The following DENND4C variants were observed in gnomAD, a reference collection of about 807,000 sequenced individuals.
The protein encoded by DENND4C is DENN domain-containing protein 4C.
A neutral mutation model predicts 203.0 loss-of-function variants in DENND4C; 108 were observed. The observed-to-expected ratio is 0.53, with a 90% CI of 0.46 to 0.62. DENND4C has a LOEUF of 0.62. Ranked by LOEUF, DENND4C falls within the 20% of genes least tolerant of loss-of-function variation. The pLI is 0.00. For synonymous variants in DENND4C, 871 were observed against 792.4 expected (o/e 1.10, Z -1.67); for missense variants, 2,481 against 2,301.2 (o/e 1.08, Z -1.60).
intron 1 of DENND4C, among the ~76,000 whole-genome samples, chr9:19,235,368 A>G (rs1821675740): frequency 6.6e-6 from 1 of 152,268 alleles, no homozygotes; most frequent in South Asian, 2.1e-4. Flanking sequence ...GAAAGGCTGT[A>G]GATGTGCATG....
At chr9:19,337,516 T>A (rs1820746664) in intron 20 of DENND4C, 1 of 746,106 alleles carries the variant, frequency 1.3e-6, no homozygotes, top group African/African-American at 1.9e-5. Context: ...AGTTTCCTTT[T>A]CTCTGCTCTT....
chr9:19,290,692 A>T lies in DENND4C; in HGVS notation c.629-12A>T. The T allele has an allele frequency of 7.2e-7, 1 of 1,393,896 alleles. No homozygotes were observed. Among genetic ancestry groups the T allele is most frequent in the Non-Finnish European group, 9.4e-7 (1 of 1,064,632 alleles). 86.3% of individuals were successfully genotyped at this position (1,393,896 alleles called of 1,614,324 possible). On this transcript the variant is annotated splice_polypyrimidine_tract_variant and intron_variant, in intron 4 of 32. Coordinates refer to ENST00000434457, the MANE Select transcript of DENND4C (RefSeq NM_001330640.2). ...TATTTAAAAAATTTATTGTTGTCTCATTCTTCAAAAGGTTTAATTTTTAGA... is the reference window on the plus strand; with the variant it reads ...TATTTAAAAAATTTATTGTTGTCTCTTTCTTCAAAAGGTTTAATTTTTAGA...
At chr9:19,280,467 A>T (rs1833831226) in intron 2 of DENND4C, among the ~76,000 whole-genome samples, 1 of 152,100 alleles carries the variant, frequency 6.6e-6, no homozygotes, top group South Asian at 2.1e-4. Flanking sequence ...TCCTTTGAGA[A>T]GAAGAAAGTA....
intron 3 of DENND4C, among the ~76,000 whole-genome samples, chr9:19,288,014 G>A (rs762812948): frequency 1.3e-4 from 20 of 152,218 alleles, no homozygotes; most frequent in African/African-American, 3.1e-4. Context: ...GATTACAGGC[G>A]CAAGCCACCA....
rs771964632 is a variant in DENND4C at position 19,359,676 on chromosome 9, G to T, written c.5161-568G>T. Among the ~76,000 whole-genome samples, 30 of 149,156 alleles carry T rather than the reference G, an allele frequency of 2.0e-4. 1 individual carries two copies. Among genetic ancestry groups the T allele is most frequent in the Non-Finnish European group, 3.4e-4 (23 of 68,020 alleles). On this transcript the variant is annotated intron_variant, in intron 28 of 32. Transcript: ENST00000434457. ...CTAGGCACCAGGGGGACTCACTGTT[G>T]ATGAGAGAGTCTTAAACATTTTATC...
At chr9:19,340,475 T>TA (rs1027301203) in intron 20 of DENND4C, among the ~76,000 whole-genome samples, 60 of 152,300 alleles carry the variant, frequency 3.9e-4, no homozygotes, top group Non-Finnish European at 6.9e-4. Flanking sequence ...GATTTTATTT[T>TA]TTTTTTAACA....
chr9:19,368,970 C>T (rs975067659), intron 30 of DENND4C, among the ~76,000 whole-genome samples: 2 of 151,786 alleles, frequency 1.3e-5, no homozygotes, highest in Non-Finnish European at 2.9e-5. Flanking sequence ...GGCAACATAG[C>T]AAGACCCTAT....
chr9:19,352,378 A>G (rs567423958), intron 25 of DENND4C, 112 bp from the exon 26 acceptor site: 66 of 1,177,292 alleles, frequency 5.6e-5, no homozygotes, highest in Non-Finnish European at 6.2e-5. Context: ...ACTGTTATTA[A>G]TAATTCCAAA....
chr9:19,259,946 G>A (rs1306046475), intron 1 of DENND4C, among the ~76,000 whole-genome samples: 1 of 152,158 alleles, frequency 6.6e-6, no homozygotes, highest in East Asian at 1.9e-4. Flanking sequence ...TTTCTTTGAT[G>A]TACTGATTTC....
intron 6 of DENND4C, 95 bp downstream of exon 6, chr9:19,296,341 A>C (rs1184918076): frequency 1.7e-5 from 15 of 862,444 alleles, no homozygotes; most frequent in Non-Finnish European, 2.3e-5. Context: ...GTTGGAAGGG[A>C]AGGAAGCCTG....
At chr9:19,257,978 T>C (rs1443995346) in intron 1 of DENND4C, among the ~76,000 whole-genome samples, 1 of 152,000 alleles carries the variant, frequency 6.6e-6, no homozygotes, top group East Asian at 1.9e-4. Context: ...ATTAACTGGA[T>C]GTGGTGGTTC....
At chr9:19,242,157 A>G (rs888612676) in intron 1 of DENND4C, among the ~76,000 whole-genome samples, 5 of 152,180 alleles carry the variant, frequency 3.3e-5, no homozygotes, top group African/African-American at 1.2e-4. Context: ...GGGATGTCTT[A>G]TAATTGAAAT....
At chr9:19,352,381 A>G in intron 25 of DENND4C, 109 bp from the exon 26 acceptor site, 1 of 1,195,280 alleles carries the variant, frequency 8.4e-7, no homozygotes, top group Non-Finnish European at 1.2e-6. Flanking sequence ...GTTATTAATA[A>G]TTCCAAATTT....
At chr9:19,273,969 C>T (rs1022535603) in intron 1 of DENND4C, among the ~76,000 whole-genome samples, 1 of 151,976 alleles carries the variant, frequency 6.6e-6, no homozygotes, top group South Asian at 2.1e-4. Flanking sequence ...TTCACAGCAG[C>T]TTTATCTGTG....
chr9:19,262,317 A>G (rs1483682540), intron 1 of DENND4C, among the ~76,000 whole-genome samples: 1 of 151,192 alleles, frequency 6.6e-6, no homozygotes, highest in Non-Finnish European at 1.5e-5. Context: ...TGAACTCCTG[A>G]CCTCAGGTGA....
intron 12 of DENND4C, among the ~76,000 whole-genome samples, chr9:19,319,359 T>TATAC (rs1842435560): frequency 7.2e-6 from 1 of 139,640 alleles, no homozygotes; most frequent in Middle Eastern, 3.4e-3. Context: ...TACTTATATA[T>TATAC]ACACACATAT....
intron 20 of DENND4C, among the ~76,000 whole-genome samples, chr9:19,339,533 G>A (rs1298916938): frequency 5.3e-5 from 8 of 152,104 alleles, no homozygotes; most frequent in Non-Finnish European, 5.9e-5. Context: ...AGGTTGTCAC[G>A]TCCTACAGGC....
At chr9:19,331,488 A>G (rs1819166614) in intron 16 of DENND4C, among the ~76,000 whole-genome samples, 3 of 152,212 alleles carry the variant, frequency 2.0e-5, no homozygotes, top group Admixed American at 2.0e-4. Flanking sequence ...GGCATAAGCC[A>G]CTGCACCTGG....
chr9:19,367,650 A>G (rs1489243393), intron 30 of DENND4C, among the ~76,000 whole-genome samples: 1 of 152,222 alleles, frequency 6.6e-6, no homozygotes, highest in Non-Finnish European at 1.5e-5. Context: ...GAGGCAGGAG[A>G]ATCACTTGAA....
Sources: allele counts gnomAD v4.1 joint callset (sites outside exome capture counted in the v4.1 genomes callset), GRCh38; gene constraint gnomAD v4.1.1; transcripts MANE v1.5; gene names NCBI Gene and HGNC (gene_info 2026-07-23, HGNC 2026-07-21).